UPF3A: variants seen among roughly 807,000 people sequenced by gnomAD.
UPF3A encodes the protein regulator of nonsense transcripts 3A.
In UPF3A, 42 loss-of-function variants were observed where a neutral mutation model predicts 53.5. The observed-to-expected ratio is 0.78, with a 90% confidence interval of 0.61 to 1.01. The LOEUF is 1.01. UPF3A is among the 50% of genes least tolerant of loss of function. The pLI is 0.00. For synonymous variants in UPF3A, 237 were observed against 225.3 expected (o/e 1.05, Z -0.47); for missense variants, 575 against 598.0 (o/e 0.96, Z 0.40).
At chr13:114,286,470 G>T (rs537688642) in intron 4 of UPF3A, 49 bp from the exon 5 acceptor site, 3 of 1,610,162 alleles carry the variant, frequency 1.9e-6, no homozygotes, top group Middle Eastern at 3.3e-4. Context: ...TAATTCTCCC[G>T]TAGTTGGGAA....
chr13:114,283,959 G>A, intron 3 of UPF3A: 1 of 985,384 alleles, frequency 1.0e-6, no homozygotes, highest in Non-Finnish European at 1.2e-6. Context: ...AAAAAAATAA[G>A]CATTAGCCAA....
chr13:114,298,979 C>T lies in UPF3A; in HGVS notation c.986C>T (p.Ser329Leu), dbSNP rs1439063173. The T allele has an allele frequency of 4.4e-6, 7 of 1,601,934 alleles. No individual in the cohort carries two copies. The highest frequency in any genetic ancestry group is 2.2e-5 in the East Asian group (1 of 44,630). The change falls in exon 8 of 10, where the codon TCG (serine) becomes TTG (leucine). Residue 329 changes from serine to leucine, a missense_variant. Physicochemically the swap from Ser to Leu is moderately radical, Grantham distance 145. This residue lies in a region of UPF3A where 323 missense variants were observed against 415.2 expected (regional missense o/e 0.78). Coordinates refer to ENST00000375299, the MANE Select transcript of UPF3A (RefSeq NM_023011.4). ...AVVKARPMEG[S>L]LEEPQETSHS... is the part of the protein sequence containing the mutation. ...GTAAAAGCCAGGCCCATGGAAGGCT[C>T]GCTGGAGGAGCCCCAGGAGACGTGA...
At chr13:114,300,920 C>T (rs1307017984) in intron 8 of UPF3A, among the ~76,000 whole-genome samples, 1 of 151,754 alleles carries the variant, frequency 6.6e-6, no homozygotes, top group African/African-American at 2.4e-5. Flanking sequence ...AATGATCTGC[C>T]TGCCCCTGGC....
chr13:114,293,126 AT>A (rs2085487880), intron 7 of UPF3A, among the ~76,000 whole-genome samples: 2 of 146,860 alleles, frequency 1.4e-5, no homozygotes, highest in Non-Finnish European at 3.0e-5. Flanking sequence ...GCTGACACCT[AT>A]AATCTCAGCA....
At chr13:114,296,229 A>G (rs914814331) in intron 7 of UPF3A, among the ~76,000 whole-genome samples, 2 of 152,132 alleles carry the variant, frequency 1.3e-5, no homozygotes, top group African/African-American at 2.4e-5. Flanking sequence ...CTAAAAATAC[A>G]AAAATTAGCC....
chr13:114,298,239 G>C (rs921575762), intron 7 of UPF3A, among the ~76,000 whole-genome samples: 2 of 152,116 alleles, frequency 1.3e-5, no homozygotes, highest in African/African-American at 2.4e-5. Flanking sequence ...TGAGCGTGGT[G>C]GTGGGCGCCT....
At chr13:114,289,796 GAT>G (rs2085099605) in intron 5 of UPF3A, among the ~76,000 whole-genome samples, 1 of 152,150 alleles carries the variant, frequency 6.6e-6, no homozygotes, top group African/African-American at 2.4e-5. Context: ...TATTCTGTCT[GAT>G]AAATAACATA....
intron 1 of UPF3A, 48 bp from the exon 2 acceptor site, chr13:114,281,973 C>A: frequency 1.3e-6 from 2 of 1,515,906 alleles, no homozygotes; most frequent in Non-Finnish European, 1.8e-6. Flanking sequence ...CTTTTGAGCT[C>A]CTTGTCCACG....
chr13:114,302,101 C>G (rs1398595618), intron 9 of UPF3A, 76 bp downstream of exon 9: 30 of 1,367,448 alleles, frequency 2.2e-5, no homozygotes, highest in Non-Finnish European at 2.8e-5. Flanking sequence ...ATGTCACCCC[C>G]ACTTGGCCTT....
chr13:114,304,653 A>G (rs1259429854), intron 9 of UPF3A, 136 bp from the exon 10 acceptor site: 21 of 1,271,558 alleles, frequency 1.7e-5, no homozygotes, highest in Non-Finnish European at 2.2e-5. Context: ...GTGCTGTGAA[A>G]AAAGGGCTGA....
At chr13:114,290,207 G>T (rs576150172) in intron 5 of UPF3A, among the ~76,000 whole-genome samples, 107 of 152,282 alleles carry the variant, frequency 7.0e-4, no homozygotes, top group African/African-American at 2.5e-3. Flanking sequence ...GCCTGGGGCA[G>T]GGCTCCTGGG....
rs1446323678 is a variant in UPF3A at position 114,291,477 on chromosome 13, TTTG to T, written c.632-10_632-8del. ...AGGAGTTAAATACAATATTACAATTTTTGTGTTTTAGCTAGAAGAACCACACCT... is the reference window on the plus strand; with the variant it reads ...AGGAGTTAAATACAATATTACAATTTTGTTTTAGCTAGAAGAACCACACCT... On this transcript the variant is annotated splice_polypyrimidine_tract_variant and intron_variant, in intron 5 of 9. Coordinates refer to ENST00000375299, the MANE Select transcript of UPF3A (RefSeq NM_023011.4). 6.3e-7 allele frequency: 1 copy of T among 1,589,936 alleles called. No homozygotes were observed. Among genetic ancestry groups the T allele is most frequent in the African/African-American group, 1.4e-5 (1 of 73,736 alleles).
chr13:114,285,567 G>T (rs531668996), intron 3 of UPF3A: 3 of 152,344 alleles, frequency 2.0e-5, no homozygotes, highest in East Asian at 3.9e-4. Flanking sequence ...AAATGACTCA[G>T]TGGGTTTAGT....
rs781035257 is a variant in UPF3A at position 114,281,693 on chromosome 13, G to C, written c.54G>C (p.Arg18=). 5 of 1,540,528 alleles carry C rather than the reference G, an allele frequency of 3.2e-6. No homozygotes were observed. The highest frequency in any genetic ancestry group is 4.4e-6 in the Non-Finnish European group (5 of 1,143,390). Residue 18 remains arginine (R), a synonymous_variant, in exon 1 of 10, where the codon CGG becomes CGC. Coordinates refer to ENST00000375299, the MANE Select transcript of UPF3A (RefSeq NM_023011.4). ...GCCTTCGGGCGGCCGTTGCCGCGCG[G>C]GGCCCGAGCGGGAGGGAGAAGCTGT... The part of the protein sequence containing the change: ...AGGLRAAVAA[R]GPSGREKLSA...
chr13:114,304,089 TA>T (rs1044876271), intron 9 of UPF3A, among the ~76,000 whole-genome samples: 1 of 152,126 alleles, frequency 6.6e-6, no homozygotes, highest in African/African-American at 2.4e-5. Flanking sequence ...GCAGGGAGAA[TA>T]GGCAGGGAGC....
At chr13:114,287,385 T>G (rs2084803276) in intron 5 of UPF3A, 1 of 152,274 alleles carries the variant, frequency 6.6e-6, no homozygotes, top group African/African-American at 2.4e-5. Context: ...AGGTCAGGAC[T>G]TCGAGATCAG....
At chr13:114,289,074 C>T (rs983756979) in intron 5 of UPF3A, among the ~76,000 whole-genome samples, 5 of 152,116 alleles carry the variant, frequency 3.3e-5, no homozygotes, top group Middle Eastern at 3.4e-3. Context: ...GGCACCTCCC[C>T]GAGAGTCTGC....
chr13:114,287,871 A>G (rs1010927615), intron 5 of UPF3A, among the ~76,000 whole-genome samples: 21 of 151,944 alleles, frequency 1.4e-4, no homozygotes, highest in African/African-American at 5.1e-4. Context: ...CGGTGGCACA[A>G]TCTCGGCTCA....
At chr13:114,292,949 T>G (rs1026403140) in intron 7 of UPF3A, among the ~76,000 whole-genome samples, 3 of 151,558 alleles carry the variant, frequency 2.0e-5, no homozygotes, top group Non-Finnish European at 4.4e-5. Context: ...GGCGGACGCC[T>G]TAATCCCAGC....
Sources: gnomAD v4.1 joint callset for allele counts (sites outside exome capture counted in the v4.1 genomes callset) on GRCh38, gnomAD v4.1.1 for gene constraint, gnomAD v4.1.1 regional missense constraint, MANE v1.5 for transcripts, NCBI Gene and HGNC (gene_info 2026-07-23, HGNC 2026-07-21) for gene names.